The following CIZ1 variants were observed in gnomAD, a reference collection of about 807,000 sequenced individuals.
CIZ1 encodes the protein CDKN1A interacting zinc finger protein 1, also known as cip1-interacting zinc finger protein.
In CIZ1, 58 loss-of-function variants were observed where a neutral mutation model predicts 118.6. The observed-to-expected ratio is 0.49, with a 90% confidence interval of 0.40 to 0.61. The LOEUF (loss-of-function observed/expected upper bound fraction) is 0.61. Ranked by LOEUF, CIZ1 falls within the 20% of genes least tolerant of loss-of-function variation. The pLI, the probability that CIZ1 is intolerant of heterozygous loss-of-function variation, is 0.00. For missense variants in CIZ1, 921 were observed against 1,115.9 expected, an observed-to-expected ratio of 0.83 and a Z score of 2.49; for synonymous variants, 448 against 443.4, an observed-to-expected ratio of 1.01 and a Z score of -0.13.
In CIZ1 at chr9:128,174,024, CAAAAAA is replaced by C. The variant is rs888369095; in HGVS notation, c.1943+2321_1943+2326del. On this transcript the variant is annotated intron_variant, in intron 11 of 16. Transcript: ENST00000372938. The stretch of plus-strand genomic sequence containing the variant: ...CCATCTCAAAAACAAAACAAAAAAA[CAAAAAA>C]AAAAAACAAAGAAATAGCTAAGGTA... 1.6e-3 allele frequency among the ~76,000 whole-genome samples: 237 copies of C among 147,736 alleles called. 1 individual carries two copies. The highest frequency in any genetic ancestry group is 5.7e-3 in the African/African-American group (226 of 39,562).
In CIZ1 at chr9:128,173,777, C is replaced by A. The variant is rs562441439; in HGVS notation, c.1943+2574G>T. ...ATCCCAGCACTTTGGGAGGCCAAGG[C>A]GGGCAGATCACAAGGTCAGGAGATC... On this transcript the variant is annotated intron_variant, in intron 11 of 16. Coordinates refer to ENST00000372938, the MANE Select transcript of CIZ1 (RefSeq NM_001131016.2). Among the ~76,000 whole-genome samples the A allele has an allele frequency of 5.9e-5, 9 of 152,040 alleles. No individual in the cohort carries two copies. In the East Asian group the frequency reaches 1.2e-3, roughly 20 times the overall value.
Position 128,168,873 on chromosome 9 carries a change from C to T in CIZ1, c.2295+179G>A, listed in dbSNP as rs1028685594. Reference sequence around the variant, plus strand: ...GGCTTTGCATATTTTAACTGCCACTCTCTAGTCATCATGCATAATTACATA... The same window carrying T: ...GGCTTTGCATATTTTAACTGCCACTTTCTAGTCATCATGCATAATTACATA... On this transcript the variant is annotated intron_variant, in intron 14 of 16. Coordinates refer to ENST00000372938, the MANE Select transcript of CIZ1 (RefSeq NM_001131016.2). 8.9e-6 allele frequency: 8 copies of T among 894,132 alleles called. No individual in the cohort carries two copies. In the Admixed American group the frequency reaches 2.0e-4, roughly 23 times the overall value. The allele number at this position is 894,132 out of a possible 1,614,324, so 55.4% of individuals were successfully genotyped here.
At chr9:128,178,615 C>T (rs1293570866) in intron 8 of CIZ1, 94 bp downstream of exon 8, 1 of 1,584,436 alleles carries the variant, frequency 6.3e-7, no homozygotes, top group Non-Finnish European at 8.6e-7. Flanking sequence ...AGGCCTAGCC[C>T]TCAGTCCCAG....
At position 128,178,914 on chromosome 9, in the gene CIZ1, T is replaced by C. The variant is rs764065942; in HGVS notation, c.1293A>G (p.Thr431=). 3.7e-6 allele frequency: 6 copies of C among 1,614,074 alleles called. No homozygotes were observed. The highest frequency in any genetic ancestry group is 3.3e-5 in the South Asian group (3 of 91,088). Reference sequence around the variant, plus strand: ...GTGCCTGTGTGTGGACCTGTGGATATGTCTGTGTCTGGACCTGCTTCTGCA... The same window carrying C: ...GTGCCTGTGTGTGGACCTGTGGATACGTCTGTGTCTGGACCTGCTTCTGCA... ...LQLQKQVQTQ[T]YPQVHTQAQP... The change falls in exon 8 of 17, where the codon ACA becomes ACG. Residue 431 remains threonine (T), a synonymous_variant. Coordinates refer to ENST00000372938, the MANE Select transcript of CIZ1 (RefSeq NM_001131016.2).
intron 7 of CIZ1, among the ~76,000 whole-genome samples, chr9:128,179,932 A>G (rs914661104): frequency 6.7e-6 from 1 of 149,628 alleles, no homozygotes; most frequent in African/African-American, 2.5e-5. Flanking sequence ...TCAGCCTCCC[A>G]AAGTGCTGGG....
chr9:128,177,542 C>CCCCCCAAACA, intron 10 of CIZ1, 24 bp downstream of exon 10: 1 of 1,229,496 alleles, frequency 8.1e-7, no homozygotes, highest in Admixed American at 2.8e-5. Flanking sequence ...CACCCCTCCC[C>CCCCCCAAACA]ACCCTTATCT....
At chr9:128,193,059 G>T (rs535963241), upstream of CIZ1, among the ~76,000 whole-genome samples, 3 of 152,356 alleles carry the variant, frequency 2.0e-5, no homozygotes, top group Non-Finnish European at 4.4e-5. Flanking sequence ...TGTGACGAGC[G>T]CCGCTCCAAA....
In CIZ1 at chr9:128,203,173, C is replaced by G. The variant is rs143374823; in HGVS notation, c.-6+1013G>C. 1.6e-4 allele frequency among the ~76,000 whole-genome samples: 24 copies of G among 152,292 alleles called. No homozygotes were observed. Among genetic ancestry groups the G allele is most frequent in the African/African-American group, 5.8e-4 (24 of 41,574 alleles). On this transcript the variant is annotated intron_variant, in intron 1 of 17. Coordinates refer to the CIZ1 transcript ENST00000372948. This position sits in a 1 kb window ranked among gnomAD's most constrained non-coding sequence, Gnocchi z 5.3. ...CTAGGAGTGAGACCCAACCCATTGA[C>G]AAATATATTCTGCGCAGCATCCGCG...
chr9:128,183,416 G>C (rs559490389), intron 5 of CIZ1, among the ~76,000 whole-genome samples: 1 of 152,212 alleles, frequency 6.6e-6, no homozygotes, highest in Admixed American at 6.5e-5. Context: ...TGACAGGCCC[G>C]TTGGAAGGCT....
Position 128,190,708 on chromosome 9 carries a change from C to T in CIZ1, c.150G>A (p.Pro50=), listed in dbSNP as rs1833027057. ...QLLQQSPPQA[P]LPMAVSRGLP... is the part of the protein sequence containing the mutation. ...CTCACCGGCTGACAGCCATGGGCAA[C>T]GGGGCCTGTGGTGGGGACTGCTGGA... Residue 50 remains proline (P), a synonymous_variant, in exon 2 of 17, where the codon CCG becomes CCA. Transcript: ENST00000372938. The T allele has an allele frequency of 1.9e-6, 3 of 1,551,960 alleles. No homozygotes were observed. Among genetic ancestry groups the T allele is most frequent in the East Asian group, 2.4e-5 (1 of 41,362 alleles).
In CIZ1 at chr9:128,166,129, C is replaced by A; in HGVS notation, c.*68G>T. The A allele has an allele frequency of 8.9e-7, 1 of 1,126,920 alleles. No homozygotes were observed. Among genetic ancestry groups the A allele is most frequent in the East Asian group, 2.8e-5 (1 of 36,170 alleles). The allele number at this position is 1,126,920 out of a possible 1,614,324, so 69.8% of individuals were successfully genotyped here. A position where few individuals can be genotyped will look rare whatever the true frequency, so the allele number is the denominator to read the frequency against. On this transcript the variant is annotated 3_prime_UTR_variant, in exon 17 of 17. Coordinates refer to ENST00000372938, the MANE Select transcript of CIZ1 (RefSeq NM_001131016.2). This position sits in a 1 kb window ranked among gnomAD's most constrained non-coding sequence, Gnocchi z 4.4. ...AAAACATGAACCATGTCAAAGTTTC[C>A]AGGCAGACTCCTAAAAAGCATTAGC...
chr9:128,170,404 A>G (rs1420306821), intron 11 of CIZ1, among the ~76,000 whole-genome samples: 3 of 152,262 alleles, frequency 2.0e-5, no homozygotes, highest in Non-Finnish European at 4.4e-5. Context: ...TCAGTGGGAA[A>G]GAATGGAAAG....
chr9:128,173,906 G>T (rs377218541), intron 11 of CIZ1, among the ~76,000 whole-genome samples: 178 of 152,088 alleles, frequency 1.2e-3, no homozygotes, highest in Non-Finnish European at 2.3e-3. Flanking sequence ...CTCGGGAGGC[G>T]GAGGCAGGAG....
rs1444074793 is a variant in CIZ1 at position 128,179,382 on chromosome 9, C to T, written c.825G>A (p.Gly275=). ...GCGGCTGGGCCTTCACCTGTAACTG[C>T]CCTGGAGGTTCCTTCTCTGTGGGCT... is the stretch of plus-strand genomic sequence containing the variant. ...SEEPTEKEPP[G]QLQVKAQPQA... is the part of the protein sequence containing the mutation. The change falls in exon 8 of 17, where the codon GGG becomes GGA. Residue 275 remains glycine (G), a synonymous_variant. Coordinates refer to ENST00000372938, the MANE Select transcript of CIZ1 (RefSeq NM_001131016.2). 1.2e-6 allele frequency: 2 copies of T among 1,608,442 alleles called. No individual in the cohort carries two copies. The highest frequency in any genetic ancestry group is 1.3e-5 in the African/African-American group (1 of 74,612).
chr9:128,187,020 A>T (rs45604631), intron 4 of CIZ1, among the ~76,000 whole-genome samples: 19,608 of 150,090 alleles, frequency 0.13, 2,409 homozygotes, highest in East Asian at 0.43. Flanking sequence ...GCTCACTGCA[A>T]CCTCTGCCTC....
chr9:128,194,182 T>C (rs556261930), upstream of CIZ1, among the ~76,000 whole-genome samples: 12 of 151,710 alleles, frequency 7.9e-5, 1 homozygote, highest in Non-Finnish European at 8.8e-5. Flanking sequence ...GCCAACATGG[T>C]GAAACCTCAT....
chr9:128,195,454 A>C (rs1330613745), upstream of CIZ1, among the ~76,000 whole-genome samples: 2 of 152,092 alleles, frequency 1.3e-5, no homozygotes, highest in Non-Finnish European at 2.9e-5. Flanking sequence ...AGTAGCTGAG[A>C]CTACAAGCAT....
At position 128,203,766 on chromosome 9, in the gene CIZ1, C is replaced by T; in HGVS notation, c.-6+420G>A. ...CGGCCGGCGCGCCCCCCACCCCCAG[C>T]CGGAGCGAGGAGGCCCTCCCCCCAC... On this transcript the variant is annotated intron_variant, in intron 1 of 17. Coordinates refer to the CIZ1 transcript ENST00000372948. This position sits in a 1 kb window ranked among gnomAD's most constrained non-coding sequence, Gnocchi z 5.3. The T allele has an allele frequency of 1.2e-6, 1 of 815,182 alleles. No individual in the cohort carries two copies. The highest frequency in any genetic ancestry group is 1.6e-6 in the Non-Finnish European group (1 of 614,176). The allele number at this position is 815,182 out of a possible 1,614,324, so 50.5% of individuals were successfully genotyped here. A position where few individuals can be genotyped will look rare whatever the true frequency, so the allele number is the denominator to read the frequency against.
chr9:128,171,140 A>G (rs1830066616), intron 11 of CIZ1, among the ~76,000 whole-genome samples: 1 of 152,030 alleles, frequency 6.6e-6, no homozygotes, highest in Admixed American at 6.6e-5. Flanking sequence ...TAATAAATAA[A>G]TAAAAAGGGG....
Sources: gnomAD v4.1 joint callset for allele counts (sites outside exome capture counted in the v4.1 genomes callset) on GRCh38, gnomAD v4.1.1 for gene constraint, Gnocchi (gnomAD v3.1) non-coding constraint, MANE v1.5 for transcripts, NCBI Gene and HGNC (gene_info 2026-07-23, HGNC 2026-07-21) for gene names.